Variants in GLP1R observed in about 807,000 individuals in gnomAD.
GLP1R encodes the protein glucagon-like peptide 1 receptor.
A neutral mutation model predicts 68.4 loss-of-function variants in GLP1R; 32 were observed. The ratio of observed to expected loss-of-function variants is 0.47; its 90% CI spans 0.35 to 0.63. The LOEUF (loss-of-function observed/expected upper bound fraction) is 0.63. Ranked by LOEUF, GLP1R falls within the 20% of genes least tolerant of loss-of-function variation. The pLI is 0.00. For missense variants in GLP1R, 502 were observed against 594.9 expected (o/e 0.84, Z 1.62); for synonymous variants, 263 against 244.4 (o/e 1.08, Z -0.71).
Position 39,072,933 on chromosome 6 carries a change from T to C in GLP1R, c.581T>C (p.Val194Ala), listed in dbSNP as rs756154483. Residue 194 changes from valine to alanine, a missense_variant, in exon 6 of 13, where the codon GTC (valine) becomes GCC (alanine). Val to Ala is a moderately conservative substitution (Grantham distance 64). Coordinates refer to ENST00000373256, the MANE Select transcript of GLP1R (RefSeq NM_002062.5). ...TCCTTCATCCTGCGAGCATTGTCCG[T>C]CTTCATCAAGGACGCAGCCCTGAAG... ...FASFILRALS[V>A]FIKDAALKWM... is the part of the protein sequence containing the mutation. The C allele has an allele frequency of 1.5e-5, 25 of 1,614,010 alleles. No individual in the cohort carries two copies. The Admixed American group carries it at 3.8e-4, about 25-fold the overall frequency.
intron 3 of GLP1R, among the ~76,000 whole-genome samples, chr6:39,059,224 C>T (rs979690292): frequency 2.5e-4 from 38 of 152,362 alleles, no homozygotes; most frequent in African/African-American, 8.4e-4. Context: ...TTCATCCTCA[C>T]AACCCTCTGA....
At chr6:39,065,572 A>G in intron 3 of GLP1R, 139 bp from the exon 4 acceptor site, 1 of 597,772 alleles carries the variant, frequency 1.7e-6, no homozygotes, top group South Asian at 2.0e-5. Context: ...AAAGAAGGGA[A>G]AAGGATGTCA....
At chr6:39,057,023 T>C (rs975823610) in intron 2 of GLP1R, among the ~76,000 whole-genome samples, 1 of 152,208 alleles carries the variant, frequency 6.6e-6, no homozygotes, top group Admixed American at 6.5e-5. Context: ...TGGGCCTAGG[T>C]TGAAATCCTG....
Position 39,070,081 on chromosome 6 carries a change from T to C in GLP1R, c.510-2781T>C, listed in dbSNP as rs1356368556. Among the ~76,000 whole-genome samples, 4 of 152,178 alleles carry C rather than the reference T, an allele frequency of 2.6e-5. No individual in the cohort carries two copies. The East Asian group carries it at 5.8e-4, about 22-fold the overall frequency. On this transcript the variant is annotated intron_variant, in intron 5 of 12. Transcript: ENST00000373256. ...GGCAAAAAGGGCTCACAAACTCACT[T>C]AGGCCTCTTTTATAAGGACGCTAAT... is the stretch of plus-strand genomic sequence containing the variant.
At position 39,056,477 on chromosome 6, in the gene GLP1R, T is replaced by G; in HGVS notation, c.159T>G (p.Asp53Glu). 1 of 1,592,108 alleles carries G rather than the reference T, an allele frequency of 6.3e-7. No individual in the cohort carries two copies. The stretch of plus-strand genomic sequence containing the variant: ...AGTGCCAGCGCTCCCTGACTGAGGA[T>G]CCACCTCCTGCCACAGGTGAGTCCA... Reference protein sequence around the residue: ...RRQCQRSLTEDPPPATDLFCN... With the variant: ...RRQCQRSLTEEPPPATDLFCN... The change falls in exon 2 of 13, where the codon GAT becomes GAG. Residue 53 changes from aspartate (D) to glutamate (E), a missense_variant. Asp to Glu is a conservative substitution (Grantham distance 45, BLOSUM62 2). Transcript: ENST00000373256.
chr6:39,091,071 A>T lies in GLP1R; in HGVS notation c.*4998A>T, dbSNP rs1769267287. Reference sequence around the variant, plus strand: ...CAGAGAGGTAAGCCAAGCTCTCAGGAGGGACAAAGATAGATTTCTATCTTC... The same window carrying T: ...CAGAGAGGTAAGCCAAGCTCTCAGGTGGGACAAAGATAGATTTCTATCTTC... On this transcript the variant is annotated 3_prime_UTR_variant, in exon 13 of 13. Coordinates refer to ENST00000373256, the MANE Select transcript of GLP1R (RefSeq NM_002062.5). Among the ~76,000 whole-genome samples the T allele has an allele frequency of 6.6e-6, 1 of 152,206 alleles. No homozygotes were observed. Among genetic ancestry groups the T allele is most frequent in the Admixed American group, 6.5e-5 (1 of 15,282 alleles).
intron 3 of GLP1R, among the ~76,000 whole-genome samples, chr6:39,060,574 A>G (rs1360515604): frequency 6.6e-6 from 1 of 152,192 alleles, no homozygotes; most frequent in Non-Finnish European, 1.5e-5. Context: ...AGAGGGGACA[A>G]AGTCACAGGC....
chr6:39,078,425 A>G (rs761387), intron 8 of GLP1R, 43 bp downstream of exon 8: 160,376 of 1,343,378 alleles, frequency 0.12, 11,087 homozygotes, highest in Admixed American at 0.28. Flanking sequence ...CCAGGTCCCC[A>G]TCCTCAAGGT....
intron 3 of GLP1R, among the ~76,000 whole-genome samples, chr6:39,060,299 G>A (rs1361610083): frequency 6.6e-6 from 1 of 152,216 alleles, no homozygotes; most frequent in Non-Finnish European, 1.5e-5. Context: ...TGGTGTCAAG[G>A]AGAAGGAAGG....
chr6:39,064,103 A>G (rs999061063), intron 3 of GLP1R, among the ~76,000 whole-genome samples: 3 of 150,494 alleles, frequency 2.0e-5, no homozygotes, highest in African/African-American at 7.4e-5. Context: ...TCCCAAGTTC[A>G]AGTGATTTTC....
intron 7 of GLP1R, among the ~76,000 whole-genome samples, chr6:39,077,429 C>T (rs1425313321): frequency 2.0e-5 from 3 of 152,230 alleles, no homozygotes; most frequent in Non-Finnish European, 4.4e-5. Flanking sequence ...TGGAGGCCTC[C>T]ATTTCTTGCT....
Position 39,049,973 on chromosome 6 carries a change from G to A in GLP1R, c.78+1055G>A, listed in dbSNP as rs1398495109. On this transcript the variant is annotated intron_variant, in intron 1 of 12. Transcript: ENST00000373256. This position sits in a 1 kb window ranked among gnomAD's most constrained non-coding sequence, Gnocchi z 4.5. ...AGATCTGTGGGGAGTGGACCTGAACGAACCTTGAAGTTTGTCCCAGAACCA... is the reference window on the plus strand; with the variant it reads ...AGATCTGTGGGGAGTGGACCTGAACAAACCTTGAAGTTTGTCCCAGAACCA... Among the ~76,000 whole-genome samples, 3 of 152,184 alleles carry A rather than the reference G, an allele frequency of 2.0e-5. No homozygotes were observed. The highest frequency in any genetic ancestry group is 3.8e-4 in the East Asian group (2 of 5,198).
Position 39,072,947 on chromosome 6 carries a change from G to A in GLP1R, c.595G>A (p.Ala199Thr), listed in dbSNP as rs748825486. 9.3e-6 allele frequency: 15 copies of A among 1,613,946 alleles called. No homozygotes were observed. The highest frequency in any genetic ancestry group is 1.6e-4 in the Middle Eastern group (1 of 6,062). Reference protein sequence around the residue: ...LRALSVFIKDAALKWMYSTAA... With the variant: ...LRALSVFIKDTALKWMYSTAA... ...AGCATTGTCCGTCTTCATCAAGGAC[G>A]CAGCCCTGAAGTGGATGTATAGCAC... is the stretch of plus-strand genomic sequence containing the variant. Residue 199 changes from alanine to threonine, a missense_variant, in exon 6 of 13, where the codon GCA becomes ACA. By Grantham distance (58) the Ala-to-Thr change is moderately conservative. Transcript: ENST00000373256.
At chr6:39,060,187 C>T (rs1228337673) in intron 3 of GLP1R, among the ~76,000 whole-genome samples, 1 of 152,178 alleles carries the variant, frequency 6.6e-6, no homozygotes, top group East Asian at 1.9e-4. Context: ...TTCCCTGACC[C>T]CCACCCAGGT....
intron 3 of GLP1R, among the ~76,000 whole-genome samples, chr6:39,060,926 G>A (rs566897910): frequency 6.6e-6 from 1 of 152,340 alleles, no homozygotes; most frequent in South Asian, 2.1e-4. Flanking sequence ...AGCCCAGGCA[G>A]TGGTACTGAG....
intron 3 of GLP1R, among the ~76,000 whole-genome samples, chr6:39,062,630 C>T (rs1768380405): frequency 6.6e-6 from 1 of 152,184 alleles, no homozygotes; most frequent in African/African-American, 2.4e-5. Context: ...TGGGAGGAGA[C>T]TGAATGTTGA....
chr6:39,052,844 C>G (rs148926628), intron 1 of GLP1R, among the ~76,000 whole-genome samples: 1 of 152,194 alleles, frequency 6.6e-6, no homozygotes, highest in South Asian at 2.1e-4. Context: ...AAAGATAAAT[C>G]GTGTCCCACA....
At position 39,051,736 on chromosome 6, in the gene GLP1R, TC is replaced by T. The variant is rs545888973; in HGVS notation, c.78+2821del. Among the ~76,000 whole-genome samples the T allele has an allele frequency of 8.5e-5, 13 of 152,098 alleles. No individual in the cohort carries two copies. The East Asian group carries it at 2.5e-3, about 30-fold the overall frequency. On this transcript the variant is annotated intron_variant, in intron 1 of 12. Coordinates refer to ENST00000373256, the MANE Select transcript of GLP1R (RefSeq NM_002062.5). Reference sequence around the variant, plus strand: ...GGAGTAGGCTATATGAACCCCCAGTTCCCAGGTATGTGTGAGTGACCCTGTG... The same window carrying T: ...GGAGTAGGCTATATGAACCCCCAGTTCCAGGTATGTGTGAGTGACCCTGTG...
At chr6:39,056,212 C>G (rs1416688291) in intron 1 of GLP1R, among the ~76,000 whole-genome samples, 185 bp from the exon 2 acceptor site, 1 of 152,220 alleles carries the variant, frequency 6.6e-6, no homozygotes, top group Non-Finnish European at 1.5e-5. Context: ...GATGTCAAAC[C>G]ATCCACCTGG....
Sources: gnomAD v4.1 joint callset for allele counts (sites outside exome capture counted in the v4.1 genomes callset) on GRCh38, gnomAD v4.1.1 for gene constraint, Gnocchi (gnomAD v3.1) non-coding constraint, MANE v1.5 for transcripts, NCBI Gene and HGNC (gene_info 2026-07-23, HGNC 2026-07-21) for gene names.